FOXN3: variants seen among roughly 807,000 people sequenced by gnomAD.
FOXN3 encodes the protein forkhead box N3.
FOXN3 carries 7 observed loss-of-function variants against 38.4 expected under a neutral mutation model. The ratio of observed to expected loss-of-function variants is 0.18; its 90% CI spans 0.10 to 0.34. The LOEUF (loss-of-function observed/expected upper bound fraction) is 0.34, where lower values mean the gene tolerates loss of function less well. FOXN3 is among the 10% of genes least tolerant of loss of function. FOXN3 has a pLI of 1.00. For missense variants in FOXN3, 456 were observed against 613.4 expected, an observed-to-expected ratio of 0.74 and a Z score of 2.71; for synonymous variants, 230 against 242.2, an observed-to-expected ratio of 0.95 and a Z score of 0.47.
intron 3 of FOXN3, among the ~76,000 whole-genome samples, chr14:89,328,540 G>T (rs1328129202): frequency 6.6e-6 from 1 of 152,106 alleles, no homozygotes; most frequent in African/African-American, 2.4e-5. Context: ...AGCAGCCCTG[G>T]ATGAATGGGG....
chr14:89,352,511 T>G (rs1002281818), intron 2 of FOXN3, among the ~76,000 whole-genome samples: 6 of 152,080 alleles, frequency 3.9e-5, no homozygotes, highest in African/African-American at 1.2e-4. Context: ...CTGTCAACAG[T>G]AGGGGTCTGG....
At chr14:89,232,263 T>A (rs966526001) in intron 4 of FOXN3, among the ~76,000 whole-genome samples, 1 of 152,246 alleles carries the variant, frequency 6.6e-6, no homozygotes, top group African/African-American at 2.4e-5. Flanking sequence ...GGAGGATACA[T>A]GTGTCTGAAA....
Position 89,325,314 on chromosome 14 carries a change from G to C in FOXN3, c.680+25358C>G, listed in dbSNP as rs867216210. Among the ~76,000 whole-genome samples the C allele has an allele frequency of 6.0e-3, 615 of 101,718 alleles. 4 individuals are homozygous for C. Among genetic ancestry groups the C allele is most frequent in the African/African-American group, 9.1e-3 (235 of 25,714 alleles). 66.7% of individuals were successfully genotyped at this position (101,718 alleles called of 152,430 possible). A position where few individuals can be genotyped will look rare whatever the true frequency, so the allele number is the denominator to read the frequency against. ...CCACCAACACCAACACCACCACCAC[G>C]ACCACCACCACCACCACCACCACCA... On this transcript the variant is annotated intron_variant, in intron 3 of 5. Transcript: ENST00000557258.
chr14:89,549,304 T>A lies in FOXN3; in HGVS notation c.-15+69724A>T, dbSNP rs185278117. Among the ~76,000 whole-genome samples, 749 of 151,794 alleles carry A rather than the reference T, an allele frequency of 4.9e-3. 6 individuals carry two copies. The highest frequency in any genetic ancestry group is 0.017 in the African/African-American group (706 of 41,414). On this transcript the variant is annotated intron_variant, in intron 1 of 6. Coordinates refer to the FOXN3 transcript ENST00000345097. ...AAAAAAAAAAAAGAACATTTTCTTTTGAAATGTTAACTAATCCATGGAATT... is the reference window on the plus strand; with the variant it reads ...AAAAAAAAAAAAGAACATTTTCTTTAGAAATGTTAACTAATCCATGGAATT...
intron 4 of FOXN3, among the ~76,000 whole-genome samples, chr14:89,203,690 T>C (rs902647221): frequency 2.0e-5 from 3 of 152,186 alleles, no homozygotes; most frequent in African/African-American, 7.2e-5. Flanking sequence ...GGGCTGGGGC[T>C]GGACAAGGTG....
intron 1 of FOXN3, among the ~76,000 whole-genome samples, chr14:89,546,332 T>TC (rs974870638): frequency 5.1e-5 from 4 of 78,476 alleles, no homozygotes; most frequent in Non-Finnish European, 1.1e-4. Context: ...CCTTTTTCTT[T>TC]TTTTTTTTTT....
At chr14:89,441,233 T>A (rs2139696078) in intron 1 of FOXN3, among the ~76,000 whole-genome samples, 1 of 152,206 alleles carries the variant, frequency 6.6e-6, no homozygotes, top group East Asian at 1.9e-4. Flanking sequence ...AACAACTGCA[T>A]CTGCATAATG....
chr14:89,341,989 T>C (rs1351898558), intron 3 of FOXN3, among the ~76,000 whole-genome samples: 1 of 152,182 alleles, frequency 6.6e-6, no homozygotes, highest in African/African-American at 2.4e-5. Context: ...CCATCAACAC[T>C]GCAACTTTCT....
chr14:89,435,241 C>T (rs1197751759), intron 1 of FOXN3, among the ~76,000 whole-genome samples: 2 of 151,906 alleles, frequency 1.3e-5, no homozygotes, highest in African/African-American at 4.8e-5. Context: ...TTGTAATTAG[C>T]TGGGCGGTGC....
chr14:89,343,823 T>A (rs1472051878), intron 3 of FOXN3, among the ~76,000 whole-genome samples: 2 of 151,926 alleles, frequency 1.3e-5, no homozygotes, highest in Non-Finnish European at 2.9e-5. Context: ...AGTGCAATGG[T>A]GCAATCTCGG....
chr14:89,534,626 C>G (rs1894645671), intron 1 of FOXN3, among the ~76,000 whole-genome samples: 1 of 152,156 alleles, frequency 6.6e-6, no homozygotes, highest in South Asian at 2.1e-4. Context: ...GGCCAGTGCT[C>G]AAATTTTGCT....
chr14:89,593,423 A>T (rs192938956), intron 1 of FOXN3, among the ~76,000 whole-genome samples: 84 of 152,232 alleles, frequency 5.5e-4, no homozygotes, highest in Admixed American at 5.5e-3. Flanking sequence ...TAGATCACCT[A>T]AAGTCAGGAG....
chr14:89,171,939 A>G (rs1887400368), intron 5 of FOXN3, among the ~76,000 whole-genome samples: 1 of 152,222 alleles, frequency 6.6e-6, no homozygotes, highest in South Asian at 2.1e-4. Context: ...CAGTATTGAC[A>G]AAAGATATGA....
chr14:89,393,228 AC>A (rs35586711), intron 2 of FOXN3, among the ~76,000 whole-genome samples: 5 of 152,128 alleles, frequency 3.3e-5, no homozygotes, highest in Non-Finnish European at 2.9e-5. Flanking sequence ...GGCATGAGCC[AC>A]CCCACCTGGC....
intron 1 of FOXN3, among the ~76,000 whole-genome samples, chr14:89,575,042 C>G (rs950588025): frequency 1.3e-5 from 2 of 152,158 alleles, no homozygotes; most frequent in Non-Finnish European, 2.9e-5. Context: ...AAGAAAATCA[C>G]GAAGTGCTCT....
intron 1 of FOXN3, among the ~76,000 whole-genome samples, chr14:89,571,595 G>A (rs10137520): frequency 0.012 from 1,837 of 152,008 alleles, 37 homozygotes; most frequent in African/African-American, 0.042. Flanking sequence ...CAGAAAGTAA[G>A]TATTTTAGAC....
At position 89,300,180 on chromosome 14, in the gene FOXN3, C is replaced by CTTT. The variant is rs35774627; in HGVS notation, c.681-19169_681-19167dup. On this transcript the variant is annotated intron_variant, in intron 3 of 5. Coordinates refer to ENST00000557258, the MANE Select transcript of FOXN3 (RefSeq NM_005197.4). ...ATTTCAAGCGAGATCAAGAAATGTA[C>CTTT]TTTTTTTTTTTTTTTTTTTTGAGAT... Among the ~76,000 whole-genome samples the CTTT allele has an allele frequency of 2.4e-4, 28 of 115,756 alleles. 1 individual carries two copies. The highest frequency in any genetic ancestry group is 4.7e-4 in the African/African-American group (14 of 29,940). 75.9% of individuals were successfully genotyped at this position (115,756 alleles called of 152,430 possible). A position where few individuals can be genotyped will look rare whatever the true frequency, so the allele number is the denominator to read the frequency against.
chr14:89,348,319 C>T (rs779158986), intron 3 of FOXN3, among the ~76,000 whole-genome samples: 9 of 152,098 alleles, frequency 5.9e-5, no homozygotes, highest in Non-Finnish European at 1.2e-4. Context: ...TGTTTAATGA[C>T]TCGGTGTTTC....
intron 2 of FOXN3, among the ~76,000 whole-genome samples, chr14:89,390,749 C>G (rs1203077604): frequency 1.3e-5 from 2 of 152,188 alleles, no homozygotes; most frequent in South Asian, 4.1e-4. Context: ...GTCCCTTGCC[C>G]TCCCCTGCAG....
Sources: gnomAD v4.1 joint callset for allele counts (sites outside exome capture counted in the v4.1 genomes callset) on GRCh38, gnomAD v4.1.1 for gene constraint, MANE v1.5 for transcripts, NCBI Gene and HGNC (gene_info 2026-07-23, HGNC 2026-07-21) for gene names.